The following CIT variants were observed in gnomAD, a reference collection of about 807,000 sequenced individuals.
CIT encodes citron Rho-interacting kinase.
In CIT, 79 loss-of-function variants were observed where a neutral mutation model predicts 272.7. The observed-to-expected ratio is 0.29, with a 90% CI of 0.24 to 0.35. CIT has a LOEUF of 0.35. Among genes scored for constraint, CIT ranks in the 10% least tolerant of loss-of-function variants. The pLI is 1.00. For missense variants in CIT, 1,909 were observed against 2,618.3 expected, an observed-to-expected ratio of 0.73 and a Z score of 5.91; for synonymous variants, 948 against 995.6, an observed-to-expected ratio of 0.95 and a Z score of 0.90.
chr12:119,710,632 T>C lies in CIT; in HGVS notation c.4855-12A>G. 3 of 1,611,322 alleles carry C rather than the reference T, an allele frequency of 1.9e-6. No individual in the cohort carries two copies. The highest frequency in any genetic ancestry group is 4.5e-5 in the East Asian group (2 of 44,844). The stretch of plus-strand genomic sequence containing the variant: ...TTTCCAAGCAGTTTCTTTTCATAGG[T>C]GAAAGAAAAGAAAAACAGAAGACAT... On this transcript the variant is annotated splice_polypyrimidine_tract_variant and intron_variant, in intron 37 of 47. Coordinates refer to ENST00000392521, the MANE Select transcript of CIT (RefSeq NM_001206999.2). The surrounding 1 kb of genome is among the most constrained non-coding windows in gnomAD (Gnocchi z 5.6).
At chr12:119,873,341 A>G (rs536099631) in intron 2 of CIT, among the ~76,000 whole-genome samples, 2 of 150,006 alleles carry the variant, frequency 1.3e-5, no homozygotes, top group Non-Finnish European at 3.0e-5. Context: ...GCAGTGGCAC[A>G]ATCTTAGCTC....
intron 10 of CIT, among the ~76,000 whole-genome samples, chr12:119,791,954 C>T (rs1965345865): frequency 6.6e-6 from 1 of 152,194 alleles, no homozygotes; most frequent in Non-Finnish European, 1.5e-5. Context: ...GTAACCTCAA[C>T]ATTTCAGTGA....
rs770933828 is a variant in CIT at position 119,713,211 on chromosome 12, G to A, written c.4571C>T (p.Ala1524Val). 6.8e-6 allele frequency: 11 copies of A among 1,612,838 alleles called. No individual in the cohort carries two copies. Among genetic ancestry groups the A allele is most frequent in the East Asian group, 4.5e-5 (2 of 44,850 alleles). The part of the protein sequence containing the change: ...GSKVLIYDNE[A>V]REAGQRPVEE... ...CTGAATTATTAATTTACCTTCTCTGGCTTCATTGTCATAAATGAGGACTTT... is the reference window on the plus strand; with the variant it reads ...CTGAATTATTAATTTACCTTCTCTGACTTCATTGTCATAAATGAGGACTTT... The change falls in exon 35 of 48, where the codon GCC becomes GTC. Residue 1524 changes from alanine to valine, a missense_variant. Physicochemically the swap from Ala to Val is moderately conservative, Grantham distance 64 (BLOSUM62 0). Around this residue, in one of 8 missense-constraint regions of CIT, gnomAD observed 780 missense variants for 1,067.2 expected, o/e 0.73. Transcript: ENST00000392521. This position sits in a 1 kb window ranked among gnomAD's most constrained non-coding sequence, Gnocchi z 5.2.
chr12:119,757,278 C>G lies in CIT; in HGVS notation c.2706+93G>C, dbSNP rs10849695. The G allele has an allele frequency of 0.24, 355,203 of 1,491,554 alleles. 44,405 individuals carry two copies. The highest frequency in any genetic ancestry group is 0.3 in the Middle Eastern group (1,229 of 4,080). The allele number at this position is 1,491,554 out of a possible 1,614,324, so 92.4% of individuals were successfully genotyped here. ...CCCTTAACCACCAAGCACAATGTCT[C>G]TTGTATAGATATTGATTTGTGCTCG... On this transcript the variant is annotated intron_variant, in intron 22 of 47. Coordinates refer to ENST00000392521, the MANE Select transcript of CIT (RefSeq NM_001206999.2).
At chr12:119,854,516 G>T (rs955416639) in intron 4 of CIT, among the ~76,000 whole-genome samples, 1 of 151,756 alleles carries the variant, frequency 6.6e-6, no homozygotes, top group African/African-American at 2.4e-5. Context: ...GGTGGCACCC[G>T]CCTGTAGTCC....
chr12:119,825,454 G>A, intron 7 of CIT, 86 bp from the exon 8 acceptor site: 1 of 1,238,418 alleles, frequency 8.1e-7, no homozygotes. Flanking sequence ...GACACAAGCT[G>A]ATTTGCCACT....
chr12:119,826,701 G>T (rs1469962490), intron 7 of CIT, among the ~76,000 whole-genome samples: 1 of 152,134 alleles, frequency 6.6e-6, no homozygotes, highest in East Asian at 1.9e-4. Flanking sequence ...ATCATAATGG[G>T]CTTCTCTCAG....
chr12:119,808,343 C>A (rs993862601), intron 9 of CIT, among the ~76,000 whole-genome samples: 1 of 152,140 alleles, frequency 6.6e-6, no homozygotes, highest in South Asian at 2.1e-4. Flanking sequence ...TCAAACAATA[C>A]CTGGCTGTCC....
In CIT at chr12:119,804,889, C is replaced by A. The variant is rs1243695130; in HGVS notation, c.1112-1500G>T. On this transcript the variant is annotated intron_variant, in intron 9 of 47. Coordinates refer to ENST00000392521, the MANE Select transcript of CIT (RefSeq NM_001206999.2). The surrounding 1 kb of genome is among the most constrained non-coding windows in gnomAD (Gnocchi z 5.3). ...TGCACTACCAGAAAATTATTTAACA[C>A]CTCCAGTCTCTCAAGAGAATTTAAA... Among the ~76,000 whole-genome samples, 2 of 152,154 alleles carry A rather than the reference C, an allele frequency of 1.3e-5. No individual in the cohort carries two copies. Among genetic ancestry groups the A allele is most frequent in the African/African-American group, 4.8e-5 (2 of 41,424 alleles).
chr12:119,854,229 T>C (rs1014784480), intron 4 of CIT, among the ~76,000 whole-genome samples: 3 of 151,850 alleles, frequency 2.0e-5, no homozygotes, highest in East Asian at 4.0e-4. Flanking sequence ...GGTTTCTCCA[T>C]GTTGGTCAGG....
chr12:119,762,395 C>T (rs1384932950), intron 19 of CIT, among the ~76,000 whole-genome samples: 3 of 152,038 alleles, frequency 2.0e-5, no homozygotes, highest in African/African-American at 7.3e-5. Flanking sequence ...AGGGTAGAAT[C>T]GAGGGTATGA....
chr12:119,812,340 G>A (rs752286036), intron 9 of CIT, among the ~76,000 whole-genome samples: 3 of 152,072 alleles, frequency 2.0e-5, no homozygotes, highest in Admixed American at 6.6e-5. Flanking sequence ...AGCACCTTCC[G>A]CCATGAATTA....
In CIT at chr12:119,827,454, T is replaced by TC. The variant is rs397769885; in HGVS notation, c.754-2087dup. Reference sequence around the variant, plus strand: ...CAATAACCAATAGATTTTTTTTTTTTCCGAGATGGAGTCTCGCTCTGTCAC... The same window carrying TC: ...CAATAACCAATAGATTTTTTTTTTTTCCCGAGATGGAGTCTCGCTCTGTCAC... On this transcript the variant is annotated intron_variant, in intron 7 of 47. Coordinates refer to ENST00000392521, the MANE Select transcript of CIT (RefSeq NM_001206999.2). 4.0e-5 allele frequency among the ~76,000 whole-genome samples: 6 copies of TC among 151,508 alleles called. No individual in the cohort carries two copies. The East Asian group carries it at 7.8e-4, about 20-fold the overall frequency.
At chr12:119,762,177 G>A (rs893168021) in intron 19 of CIT, among the ~76,000 whole-genome samples, 13 of 152,136 alleles carry the variant, frequency 8.5e-5, no homozygotes, top group Admixed American at 3.9e-4. Flanking sequence ...CAGCGGGGAG[G>A]GAGTCCACAG....
chr12:119,764,483 G>A (rs1962176191), intron 19 of CIT, among the ~76,000 whole-genome samples: 1 of 151,906 alleles, frequency 6.6e-6, no homozygotes, highest in South Asian at 2.1e-4. Flanking sequence ...AGGCGTGGTG[G>A]CATGCACCTA....
chr12:119,743,826 T>C (rs1404643023), intron 23 of CIT, among the ~76,000 whole-genome samples: 1 of 152,150 alleles, frequency 6.6e-6, no homozygotes, highest in African/African-American at 2.4e-5. Flanking sequence ...GTAAAATGTA[T>C]TCTGTGGGTT....
At chr12:119,832,427 T>C (rs921402663) in intron 7 of CIT, among the ~76,000 whole-genome samples, 3 of 152,076 alleles carry the variant, frequency 2.0e-5, no homozygotes, top group African/African-American at 7.2e-5. Flanking sequence ...CATGCAGGAG[T>C]TTCCATTTCA....
intron 32 of CIT, among the ~76,000 whole-genome samples, chr12:119,717,601 A>G: frequency 6.7e-6 from 1 of 149,476 alleles, no homozygotes; most frequent in Non-Finnish European, 1.5e-5. Flanking sequence ...TTGTATTTTT[A>G]GTAGAAACGA....
At position 119,728,603 on chromosome 12, in the gene CIT, T is replaced by G; in HGVS notation, c.3490A>C (p.Asn1164His). The G allele has an allele frequency of 6.2e-7, 1 of 1,605,514 alleles. No homozygotes were observed. The highest frequency in any genetic ancestry group is 1.1e-5 in the South Asian group (1 of 89,986). The change falls in exon 28 of 48, where the codon AAT (asparagine) becomes CAT (histidine). Residue 1164 changes from asparagine (N) to histidine (H), a missense_variant. Physicochemically the swap from Asn to His is moderately conservative, Grantham distance 68. Transcript: ENST00000392521. The surrounding 1 kb of genome is among the most constrained non-coding windows in gnomAD (Gnocchi z 4.3). Reference sequence around the variant, plus strand: ...ATAGCATGCTTCTTCTCCAGGTCATTGAGCTAGACATTTGGAAAGATTGGC... The same window carrying G: ...ATAGCATGCTTCTTCTCCAGGTCATGGAGCTAGACATTTGGAAAGATTGGC... ...LKAESLSDKL[N>H]DLEKKHAMLE...
Sources: allele counts gnomAD v4.1 joint callset (sites outside exome capture counted in the v4.1 genomes callset), GRCh38; gene constraint gnomAD v4.1.1; regional missense constraint gnomAD v4.1.1; non-coding constraint Gnocchi (gnomAD v3.1); transcripts MANE v1.5; gene names NCBI Gene and HGNC (gene_info 2026-07-23, HGNC 2026-07-21).